The following ANAPC5 variants were observed in gnomAD, a reference collection of about 807,000 sequenced individuals.
The protein encoded by ANAPC5 is anaphase-promoting complex subunit 5.
ANAPC5 carries 60 observed loss-of-function variants against 91.3 expected under a neutral mutation model. That is an observed-to-expected ratio of 0.66 (90% CI 0.53 to 0.81). ANAPC5 has a LOEUF of 0.81. ANAPC5 is among the 40% of genes least tolerant of loss of function. ANAPC5 has a pLI of 0.00. For missense variants in ANAPC5, 690 were observed against 931.5 expected (o/e 0.74, Z 3.37); for synonymous variants, 340 against 364.1 (o/e 0.93, Z 0.75).
chr12:121,326,222 G>A (rs1322231428), intron 11 of ANAPC5: 1 of 152,198 alleles, frequency 6.6e-6, no homozygotes, highest in Non-Finnish European at 1.5e-5. Context: ...TCTGAAAGGA[G>A]TGGAAACCAC....
intron 1 of ANAPC5, among the ~76,000 whole-genome samples, chr12:121,350,796 C>T (rs1203739739): frequency 1.3e-5 from 2 of 151,894 alleles, no homozygotes; most frequent in African/African-American, 4.8e-5. Flanking sequence ...TACCAGTAAA[C>T]AAAAACAGGA....
intron 15 of ANAPC5, among the ~76,000 whole-genome samples, chr12:121,317,672 G>A (rs1010046510): frequency 1.3e-5 from 2 of 152,214 alleles, no homozygotes; most frequent in Admixed American, 6.5e-5. Flanking sequence ...CCTCAGGTAC[G>A]AAGATATTTT....
Position 121,331,049 on chromosome 12 carries a change from T to C in ANAPC5, c.1032+298A>G, listed in dbSNP as rs976141199. 2.0e-4 allele frequency: 83 copies of C among 408,182 alleles called. No homozygotes were observed. In the Middle Eastern group the frequency reaches 3.4e-3, roughly 17 times the overall value. The allele number at this position is 408,182 out of a possible 1,614,324, so 25.3% of individuals were successfully genotyped here. A position where few individuals can be genotyped will look rare whatever the true frequency, so the allele number is the denominator to read the frequency against. On this transcript the variant is annotated intron_variant, in intron 8 of 16. Coordinates refer to ENST00000261819, the MANE Select transcript of ANAPC5 (RefSeq NM_016237.5). ...GACAACATCTCACCCAGTTACTAAG[T>C]GTAGTATACATCTTTTGTTAATGCC...
chr12:121,347,165 C>A, intron 2 of ANAPC5, 160 bp from the exon 3 acceptor site: 1 of 514,782 alleles, frequency 1.9e-6, no homozygotes, highest in South Asian at 3.0e-5. Context: ...CAAAATGTTA[C>A]TCCCGTATTT....
Position 121,349,851 on chromosome 12 carries a change from C to A in ANAPC5, c.208-1970G>T, listed in dbSNP as rs116190468. 9.4e-3 allele frequency among the ~76,000 whole-genome samples: 1,425 copies of A among 151,362 alleles called. 28 individuals carry two copies. The highest frequency in any genetic ancestry group is 0.033 in the African/African-American group (1,341 of 41,228). On this transcript the variant is annotated intron_variant, in intron 1 of 16. Coordinates refer to ENST00000261819, the MANE Select transcript of ANAPC5 (RefSeq NM_016237.5). Reference sequence around the variant, plus strand: ...CCTCCCGAGTAGCTGGGACTACAGGCGCACATCACAATGCCCGGCTAATTT... The same window carrying A: ...CCTCCCGAGTAGCTGGGACTACAGGAGCACATCACAATGCCCGGCTAATTT...
At chr12:121,327,570 G>T (rs1422794898) in intron 10 of ANAPC5, 3 of 268,968 alleles carry the variant, frequency 1.1e-5, no homozygotes, top group Non-Finnish European at 2.1e-5. Flanking sequence ...TCCTGGCACA[G>T]ACTGCTCTGG....
intron 10 of ANAPC5, 128 bp from the exon 11 acceptor site, chr12:121,327,359 C>CATCTGCTCCCA: frequency 8.7e-7 from 1 of 1,151,776 alleles, no homozygotes; most frequent in Non-Finnish European, 1.2e-6. Context: ...TTCTTGGGAG[C>CATCTGCTCCCA]AGATGCCTCC....
intron 15 of ANAPC5, 136 bp downstream of exon 15, chr12:121,318,141 C>T (rs1441141089): frequency 9.0e-7 from 1 of 1,111,728 alleles, no homozygotes; most frequent in South Asian, 2.6e-5. Flanking sequence ...GGAGGGCTTG[C>T]ACAGGAAGAC....
At chr12:121,351,216 C>A in intron 1 of ANAPC5, 1 of 362,378 alleles carries the variant, frequency 2.8e-6, no homozygotes. Flanking sequence ...ACAAAAAATG[C>A]AAAAAAATTA....
Position 121,342,066 on chromosome 12 carries a change from T to G in ANAPC5, c.594A>C (p.Glu198Asp). The change falls in exon 5 of 17, where the codon GAA becomes GAC. Residue 198 changes from glutamate (E) to aspartate (D), a missense_variant. Glu to Asp is a conservative substitution (Grantham distance 45). This residue lies in a region of ANAPC5 where 238 missense variants were observed against 264.9 expected (regional missense o/e 0.90). Transcript: ENST00000261819. This position sits in a 1 kb window ranked among gnomAD's most constrained non-coding sequence, Gnocchi z 4.1. ...EKEELDVSVR[E>D]EEVSCSGPLS... ...GAGGCCCACTGCAAGATACCTCCTC[T>G]TCTCTGGAAAAAATAAAAAAACAAA... 1 of 1,595,710 alleles carries G rather than the reference T, an allele frequency of 6.3e-7. No individual in the cohort carries two copies. The highest frequency in any genetic ancestry group is 8.5e-7 in the Non-Finnish European group (1 of 1,175,616).
intron 12 of ANAPC5, 124 bp from the exon 13 acceptor site, chr12:121,319,942 G>T: frequency 9.9e-7 from 1 of 1,006,408 alleles, no homozygotes; most frequent in Non-Finnish European, 1.4e-6. Flanking sequence ...TCTTTTTTGG[G>T]GGGATTTAAA....
At chr12:121,352,412 G>C (rs1160387151), upstream of ANAPC5, 16 of 1,255,212 alleles carry the variant, frequency 1.3e-5, no homozygotes, top group East Asian at 3.1e-4. Flanking sequence ...CAACACTACC[G>C]GGTCTACATC....
At chr12:121,338,482 G>A (rs536497001) in intron 5 of ANAPC5, among the ~76,000 whole-genome samples, 5 of 151,968 alleles carry the variant, frequency 3.3e-5, no homozygotes, top group Admixed American at 1.3e-4. Flanking sequence ...CTAGCTACTC[G>A]GGAGGCTGAG....
chr12:121,336,246 C>A (rs1183116570), intron 6 of ANAPC5, among the ~76,000 whole-genome samples: 2 of 151,170 alleles, frequency 1.3e-5, no homozygotes, highest in Non-Finnish European at 2.9e-5. Context: ...TATTTCTGCA[C>A]CCAAAGTCAG....
rs782275374 is a variant in ANAPC5 at position 121,330,660 on chromosome 12, C to T, written c.1045G>A (p.Val349Met). ...CTATCGGATCTCTTCTGCCCCAGCA[C>T]ATAAAGCCAGCTCTGGCAAGAGAAA... ...CLQHCLSWLY[V>M]LGQKRSDSYV... The change falls in exon 9 of 17, where the codon GTG becomes ATG. Residue 349 changes from valine to methionine, a missense_variant. This residue lies in a region of ANAPC5 where 36 missense variants were observed against 27.6 expected (regional missense o/e 1.30). Transcript: ENST00000261819. The T allele has an allele frequency of 1.9e-6, 3 of 1,614,042 alleles. No homozygotes were observed. Among genetic ancestry groups the T allele is most frequent in the Non-Finnish European group, 2.5e-6 (3 of 1,179,934 alleles).
intron 7 of ANAPC5, chr12:121,334,887 G>C (rs1903169960): frequency 6.6e-6 from 1 of 152,100 alleles, no homozygotes; most frequent in South Asian, 2.1e-4. Context: ...ACGGCCTGTT[G>C]TTCTTAGAAG....
At chr12:121,351,016 C>G (rs1555275277) in intron 1 of ANAPC5, 3 of 426,756 alleles carry the variant, frequency 7.0e-6, no homozygotes, top group South Asian at 5.0e-5. Flanking sequence ...AGAGAGAAAA[C>G]TGAGACCCAA....
intron 9 of ANAPC5, 101 bp downstream of exon 9, chr12:121,330,482 C>A: frequency 1.1e-6 from 1 of 893,010 alleles, no homozygotes; most frequent in Non-Finnish European, 1.7e-6. Context: ...CACTTTGAAA[C>A]CCATTCTAAA....
rs782680330 is a variant in ANAPC5 at position 121,328,447 on chromosome 12, A to G, written c.1173T>C (p.Ala391=). ...CCATCAGCTTGTTTGCCGTCTTCCC[A>G]GCAAAAGCTCTCTGTTGAACAAGGG... is the stretch of plus-strand genomic sequence containing the variant. The part of the protein sequence containing the change: ...IQSLVQQRAF[A]GKTANKLMDA... Residue 391 remains alanine, a synonymous_variant, in exon 10 of 17, where the codon GCT becomes GCC. Coordinates refer to ENST00000261819, the MANE Select transcript of ANAPC5 (RefSeq NM_016237.5). The G allele has an allele frequency of 1.7e-5, 28 of 1,613,780 alleles. No homozygotes were observed. In the Middle Eastern group the frequency reaches 1.5e-3, roughly 85 times the overall value.
Sources: allele counts gnomAD v4.1 joint callset (sites outside exome capture counted in the v4.1 genomes callset), GRCh38; gene constraint gnomAD v4.1.1; regional missense constraint gnomAD v4.1.1; non-coding constraint Gnocchi (gnomAD v3.1); transcripts MANE v1.5; gene names NCBI Gene and HGNC (gene_info 2026-07-23, HGNC 2026-07-21).